The following CNTN5 variants were observed in gnomAD, a reference collection of about 807,000 sequenced individuals.
CNTN5 encodes contactin 5, also known as contactin-5.
In CNTN5, 77 loss-of-function variants were observed where a neutral mutation model predicts 129.1. That is an observed-to-expected ratio of 0.60 (90% CI 0.50 to 0.72). The LOEUF is 0.72. CNTN5 is among the 30% of genes least tolerant of loss of function. The probability of loss-of-function intolerance (pLI) is 0.00; values close to 1 mark genes in which losing one functional copy is unlikely to be tolerated. For synonymous variants in CNTN5, 509 were observed against 465.6 expected (o/e 1.09, Z -1.20); for missense variants, 1,478 against 1,328.8 (o/e 1.11, Z -1.75).
intron 13 of CNTN5, among the ~76,000 whole-genome samples, chr11:100,188,082 T>C (rs1218587535): frequency 6.6e-6 from 1 of 152,048 alleles, no homozygotes; most frequent in Non-Finnish European, 1.5e-5. Flanking sequence ...ACATAAACAA[T>C]TGAACAACTG....
At chr11:99,645,673 T>A (rs1392705106) in intron 3 of CNTN5, among the ~76,000 whole-genome samples, 2 of 151,982 alleles carry the variant, frequency 1.3e-5, no homozygotes, top group African/African-American at 4.8e-5. Flanking sequence ...CTGGAAACCA[T>A]CATTCTCAGG....
intron 1 of CNTN5, among the ~76,000 whole-genome samples, chr11:99,101,288 G>A (rs1866722623): frequency 8.5e-6 from 1 of 117,012 alleles, no homozygotes; most frequent in Non-Finnish European, 1.8e-5. Flanking sequence ...TGAGATTTGG[G>A]TGGGAACACA....
intron 2 of CNTN5, among the ~76,000 whole-genome samples, chr11:99,479,577 C>T (rs1005228328): frequency 1.3e-5 from 2 of 151,880 alleles, no homozygotes; most frequent in Non-Finnish European, 2.9e-5. Flanking sequence ...CTTTTCTTAC[C>T]TTTGCATTTT....
chr11:100,151,546 C>A (rs1406515816), intron 13 of CNTN5, among the ~76,000 whole-genome samples: 1 of 152,076 alleles, frequency 6.6e-6, no homozygotes, highest in South Asian at 2.1e-4. Context: ...TAGGTATACT[C>A]CTAACGGGGC....
chr11:99,354,596 G>A lies in CNTN5; in HGVS notation c.-71+29112G>A, dbSNP rs11219551. ...GCGACCCCTCTTTTTCTCATACCCC[G>A]TAATCAGTGCTAAGTGAATTTTACC... On this transcript the variant is annotated intron_variant, in intron 2 of 24. Transcript: ENST00000524871. Among the ~76,000 whole-genome samples the A allele has an allele frequency of 7.0e-3, 1,063 of 152,138 alleles. 6 individuals carry two copies. Among genetic ancestry groups the A allele is most frequent in the African/African-American group, 0.023 (970 of 41,484 alleles).
chr11:99,866,221 C>G (rs980193905), intron 6 of CNTN5, among the ~76,000 whole-genome samples: 1 of 152,084 alleles, frequency 6.6e-6, no homozygotes, highest in African/African-American at 2.4e-5. Flanking sequence ...AACCAATAAC[C>G]CAAACTTTTT....
chr11:99,631,626 T>C (rs1951353944), intron 3 of CNTN5, among the ~76,000 whole-genome samples: 1 of 151,544 alleles, frequency 6.6e-6, no homozygotes, highest in Non-Finnish European at 1.5e-5. Flanking sequence ...AGTAATATCA[T>C]GTCAGTCATT....
intron 3 of CNTN5, among the ~76,000 whole-genome samples, chr11:99,558,508 AG>A (rs1948744274): frequency 6.6e-6 from 1 of 151,974 alleles, no homozygotes; most frequent in Non-Finnish European, 1.5e-5. Flanking sequence ...GAAAGAAAGA[AG>A]GTGGTGTTCT....
chr11:100,072,687 A>ACATAT (rs1437968291), intron 12 of CNTN5, among the ~76,000 whole-genome samples: 1 of 152,184 alleles, frequency 6.6e-6, no homozygotes, highest in Non-Finnish European at 1.5e-5. Context: ...CCCACCATTT[A>ACATAT]CATATCAGCT....
chr11:100,293,552 A>C (rs1446135588), intron 18 of CNTN5, among the ~76,000 whole-genome samples: 1 of 151,860 alleles, frequency 6.6e-6, no homozygotes, highest in Non-Finnish European at 1.5e-5. Context: ...ACAGAAAATA[A>C]TATTAAGTAA....
intron 1 of CNTN5, among the ~76,000 whole-genome samples, chr11:99,066,241 C>T (rs1387261057): frequency 4.6e-5 from 7 of 151,960 alleles, no homozygotes; most frequent in Admixed American, 4.6e-4. Flanking sequence ...GTAGCTGGGA[C>T]TACAGGTGTG....
intron 13 of CNTN5, among the ~76,000 whole-genome samples, chr11:100,114,687 GCT>G (rs1043071288): frequency 1.5e-4 from 23 of 151,724 alleles, no homozygotes; most frequent in African/African-American, 5.6e-4. Context: ...CTTGAAAAAT[GCT>G]CTCTTTTGAA....
intron 2 of CNTN5, among the ~76,000 whole-genome samples, chr11:99,356,147 C>A (rs1938648321): frequency 6.6e-6 from 1 of 151,792 alleles, no homozygotes; most frequent in Non-Finnish European, 1.5e-5. Context: ...TTATATAATT[C>A]CAATACGGAC....
intron 2 of CNTN5, among the ~76,000 whole-genome samples, chr11:99,438,027 A>G (rs1943668898): frequency 6.6e-6 from 1 of 152,080 alleles, no homozygotes; most frequent in Non-Finnish European, 1.5e-5. Context: ...TAGTATAAGA[A>G]TGTTTATATA....
intron 8 of CNTN5, among the ~76,000 whole-genome samples, chr11:99,970,090 G>T (rs748726434): frequency 1.3e-5 from 2 of 152,078 alleles, no homozygotes; most frequent in Non-Finnish European, 2.9e-5. Flanking sequence ...TATGCCATAG[G>T]TTCTGCAAGC....
intron 10 of CNTN5, among the ~76,000 whole-genome samples, chr11:100,065,047 C>G (rs1034567859): frequency 6.6e-6 from 1 of 152,080 alleles, no homozygotes. Flanking sequence ...GACCTCTAGA[C>G]AGTTTATATT....
At chr11:99,552,734 G>A (rs751432181) in intron 2 of CNTN5, among the ~76,000 whole-genome samples, 1 of 151,946 alleles carries the variant, frequency 6.6e-6, no homozygotes. Context: ...AGTTAGACAG[G>A]GACCGGATTG....
chr11:99,268,727 CA>C (rs1346386945), intron 1 of CNTN5, among the ~76,000 whole-genome samples: 3 of 151,814 alleles, frequency 2.0e-5, no homozygotes, highest in Admixed American at 6.6e-5. Flanking sequence ...TTTGTCCTTA[CA>C]AAAAATATGG....
intron 3 of CNTN5, among the ~76,000 whole-genome samples, chr11:99,724,699 G>C (rs922848675): frequency 6.6e-6 from 1 of 151,988 alleles, no homozygotes; most frequent in Non-Finnish European, 1.5e-5. Flanking sequence ...TTTAGTTATC[G>C]GTAAATGCAC....
Sources: allele counts gnomAD v4.1 joint callset (sites outside exome capture counted in the v4.1 genomes callset), GRCh38; gene constraint gnomAD v4.1.1; transcripts MANE v1.5; gene names NCBI Gene and HGNC (gene_info 2026-07-23, HGNC 2026-07-21).